WDPCP: variants seen among roughly 807,000 people sequenced by gnomAD.
WDPCP encodes the protein WD repeat containing planar cell polarity effector.
A neutral mutation model predicts 93.1 loss-of-function variants in WDPCP; 71 were observed. The observed-to-expected ratio is 0.76, with a 90% confidence interval of 0.63 to 0.93. The LOEUF (loss-of-function observed/expected upper bound fraction) is 0.93, where lower values mean the gene tolerates loss of function less well. Among genes scored for constraint, WDPCP ranks in the 40% least tolerant of loss-of-function variants. The probability of loss-of-function intolerance (pLI) is 0.00; values close to 1 mark genes in which losing one functional copy is unlikely to be tolerated. For missense variants in WDPCP, 844 were observed against 887.4 expected (o/e 0.95, Z 0.62); for synonymous variants, 315 against 315.0 (o/e 1.00, Z 0.00).
intron 2 of WDPCP, among the ~76,000 whole-genome samples, chr2:63,792,391 A>T (rs1670557591): frequency 6.6e-6 from 1 of 152,162 alleles, no homozygotes; most frequent in South Asian, 2.1e-4. Flanking sequence ...GCATGGGGGA[A>T]ACTGCCCCCA....
At chr2:63,705,073 AG>A (rs1297100523) in intron 2 of WDPCP, among the ~76,000 whole-genome samples, 4 of 152,176 alleles carry the variant, frequency 2.6e-5, no homozygotes, top group Non-Finnish European at 4.4e-5. Flanking sequence ...TAGATTTTCT[AG>A]TTCATTTGCA....
intron 14 of WDPCP, among the ~76,000 whole-genome samples, chr2:63,256,058 A>G (rs1216687507): frequency 2.0e-5 from 3 of 152,310 alleles, no homozygotes; most frequent in African/African-American, 4.8e-5. Flanking sequence ...GGGATAGATC[A>G]TATTCATGGA....
chr2:63,720,081 C>CA (rs1176587421), intron 2 of WDPCP, among the ~76,000 whole-genome samples: 1 of 151,878 alleles, frequency 6.6e-6, no homozygotes, highest in Non-Finnish European at 1.5e-5. Flanking sequence ...TACTAAAGAA[C>CA]AAAAAATCCC....
intron 17 of WDPCP, among the ~76,000 whole-genome samples, chr2:63,142,863 T>C (rs990432932): frequency 2.0e-5 from 3 of 149,880 alleles, no homozygotes; most frequent in African/African-American, 7.3e-5. Flanking sequence ...CACATATATA[T>C]ACACACATAC....
chr2:63,593,855 G>A (rs1709250557), intron 3 of WDPCP, among the ~76,000 whole-genome samples: 1 of 151,930 alleles, frequency 6.6e-6, no homozygotes, highest in African/African-American at 2.4e-5. Flanking sequence ...TTGTTTCTAT[G>A]TCTGTATTTT....
At chr2:63,676,039 A>C (rs1710400276) in intron 2 of WDPCP, among the ~76,000 whole-genome samples, 1 of 152,190 alleles carries the variant, frequency 6.6e-6, no homozygotes, top group African/African-American at 2.4e-5. Flanking sequence ...TTACTTAGAT[A>C]TTATTAGATA....
At chr2:63,674,930 T>C (rs1710387518) in intron 2 of WDPCP, among the ~76,000 whole-genome samples, 1 of 152,192 alleles carries the variant, frequency 6.6e-6, no homozygotes, top group Admixed American at 6.5e-5. Flanking sequence ...GACAGGTATG[T>C]ATGTGTCTGT....
intron 14 of WDPCP, among the ~76,000 whole-genome samples, chr2:63,223,327 T>TG (rs1256272183): frequency 6.6e-6 from 1 of 152,164 alleles, no homozygotes; most frequent in Non-Finnish European, 1.5e-5. Context: ...ATTAACCTAA[T>TG]GATATTATCA....
At chr2:63,485,018 T>G in intron 4 of WDPCP, 31 bp from the exon 5 acceptor site, 1 of 1,611,138 alleles carries the variant, frequency 6.2e-7, no homozygotes, top group Non-Finnish European at 8.5e-7. Context: ...TACAGTTAGT[T>G]AAACAAGATT....
At chr2:63,226,731 G>C (rs1488700063) in intron 14 of WDPCP, among the ~76,000 whole-genome samples, 1 of 151,892 alleles carries the variant, frequency 6.6e-6, no homozygotes, top group Admixed American at 6.6e-5. Context: ...GATAAGGGTA[G>C]AGTTTTACTA....
intron 10 of WDPCP, among the ~76,000 whole-genome samples, chr2:63,390,113 G>T (rs1380255128): frequency 1.3e-5 from 2 of 152,052 alleles, no homozygotes; most frequent in African/African-American, 4.8e-5. Flanking sequence ...GCACCACATT[G>T]CACTTATTCT....
intron 17 of WDPCP, among the ~76,000 whole-genome samples, chr2:63,143,877 T>C (rs774881666): frequency 6.6e-6 from 1 of 152,224 alleles, no homozygotes; most frequent in African/African-American, 2.4e-5. Flanking sequence ...TAAGATTCTT[T>C]CTTTTGTCTT....
At chr2:63,414,135 T>G (rs915723700) in intron 9 of WDPCP, among the ~76,000 whole-genome samples, 57 of 152,176 alleles carry the variant, frequency 3.7e-4, no homozygotes, top group African/African-American at 1.3e-3. Flanking sequence ...CAATACCACT[T>G]TACTCCTTCA....
At chr2:63,606,567 A>C (rs970045242) in intron 3 of WDPCP, among the ~76,000 whole-genome samples, 5 of 152,228 alleles carry the variant, frequency 3.3e-5, no homozygotes, top group African/African-American at 1.2e-4. Context: ...CTAGTATTAG[A>C]GACCTACAAA....
At chr2:63,418,272 A>G (rs923373869) in intron 9 of WDPCP, among the ~76,000 whole-genome samples, 1 of 152,214 alleles carries the variant, frequency 6.6e-6, no homozygotes, top group East Asian at 1.9e-4. Flanking sequence ...TTACTAGTCA[A>G]GAGATGACCA....
intron 15 of WDPCP, among the ~76,000 whole-genome samples, chr2:63,173,142 C>T (rs1210252991): frequency 1.3e-5 from 2 of 151,812 alleles, no homozygotes; most frequent in Admixed American, 6.6e-5. Flanking sequence ...GTGGTGGGCA[C>T]CTGTAATCCC....
intron 1 of WDPCP, among the ~76,000 whole-genome samples, chr2:63,823,469 C>G (rs925311735): frequency 6.6e-6 from 1 of 152,152 alleles, no homozygotes; most frequent in Non-Finnish European, 1.5e-5. Flanking sequence ...CACCACTGCA[C>G]TCCAGCCTGG....
chr2:63,377,215 G>C (rs901284376), intron 12 of WDPCP, among the ~76,000 whole-genome samples: 2 of 151,684 alleles, frequency 1.3e-5, no homozygotes, highest in African/African-American at 4.8e-5. Flanking sequence ...TTACTCACTT[G>C]TCAAATGATA....
At chr2:63,274,201 G>GA (rs1178770890) in intron 13 of WDPCP, among the ~76,000 whole-genome samples, 1 of 152,152 alleles carries the variant, frequency 6.6e-6, no homozygotes, top group Admixed American at 6.5e-5. Context: ...AGGAACTATG[G>GA]AAAATGTACA....
Sources: allele counts gnomAD v4.1 joint callset (sites outside exome capture counted in the v4.1 genomes callset), GRCh38; gene constraint gnomAD v4.1.1; transcripts MANE v1.5; gene names NCBI Gene and HGNC (gene_info 2026-07-23, HGNC 2026-07-21).